The following NREP variants were observed in gnomAD, a reference collection of about 807,000 sequenced individuals.
NREP encodes neuronal regeneration related protein, also known as neuronal regeneration-related protein.
NREP carries 5 observed loss-of-function variants against 8.6 expected under a neutral mutation model. The ratio of observed to expected loss-of-function variants is 0.58; its 90% confidence interval spans 0.30 to 1.22. NREP has a LOEUF of 1.22. Among genes scored for constraint, NREP ranks in the 50% most tolerant of loss-of-function variants. NREP has a pLI of 0.07. For missense variants in NREP, 86 were observed against 82.5 expected, an observed-to-expected ratio of 1.04 and a Z score of -0.17; for synonymous variants, 27 against 28.0, an observed-to-expected ratio of 0.96 and a Z score of 0.11.
intron 2 of NREP, among the ~76,000 whole-genome samples, chr5:111,811,619 C>T (rs1353381160): frequency 1.3e-5 from 2 of 152,178 alleles, no homozygotes; most frequent in Non-Finnish European, 2.9e-5. Flanking sequence ...GGGAGTGCTG[C>T]CCACACAGGG....
chr5:111,863,979 T>C (rs1184023484), intron 2 of NREP, among the ~76,000 whole-genome samples: 1 of 152,170 alleles, frequency 6.6e-6, no homozygotes, highest in Non-Finnish European at 1.5e-5. Flanking sequence ...TCATTACTGC[T>C]ATATTCTATT....
chr5:111,813,877 A>G (rs1480881527), intron 2 of NREP, among the ~76,000 whole-genome samples: 1 of 152,084 alleles, frequency 6.6e-6, no homozygotes, highest in Non-Finnish European at 1.5e-5. Context: ...CTTTTGGTAT[A>G]TACTATATTC....
At chr5:111,863,650 T>C (rs1261572158) in intron 2 of NREP, among the ~76,000 whole-genome samples, 1 of 151,308 alleles carries the variant, frequency 6.6e-6, no homozygotes, top group Admixed American at 6.6e-5. Flanking sequence ...GCTATGAGAG[T>C]GTAGTATCAC....
intron 2 of NREP, among the ~76,000 whole-genome samples, chr5:111,966,081 A>G (rs566493524): frequency 6.6e-6 from 1 of 152,338 alleles, no homozygotes; most frequent in East Asian, 1.9e-4. Flanking sequence ...ATCTAGCAGA[A>G]CTTTGTGTCC....
chr5:111,784,642 TC>T (rs1260320472), intron 2 of NREP, among the ~76,000 whole-genome samples: 1 of 152,194 alleles, frequency 6.6e-6, no homozygotes, highest in Non-Finnish European at 1.5e-5. Flanking sequence ...AGTTTATTTT[TC>T]TTCGGGACTT....
At position 111,849,464 on chromosome 5, in the gene NREP, A is replaced by C. The variant is rs1165340760; in HGVS notation, c.136-113957T>G. Among the ~76,000 whole-genome samples the C allele has an allele frequency of 5.9e-5, 9 of 152,298 alleles. No individual in the cohort carries two copies. In the South Asian group the frequency reaches 1.9e-3, roughly 32 times the overall value. ...TTAAAGTTTGGAACTTTATCTTAAA[A>C]GCACTGAGGAGCCAATGAAAGCTTT... On this transcript the variant is annotated intron_variant, in intron 2 of 3. Transcript: ENST00000395634.
chr5:111,936,844 G>C (rs1390137162), intron 2 of NREP, among the ~76,000 whole-genome samples: 1 of 152,056 alleles, frequency 6.6e-6, no homozygotes, highest in African/African-American at 2.4e-5. Flanking sequence ...CTTTCTGAGT[G>C]GGCAGCTCTA....
At chr5:111,975,327 C>G in exon 2 of NREP, 2 of 1,551,680 alleles carry the variant, frequency 1.3e-6, no homozygotes, top group Non-Finnish European at 1.7e-6. Flanking sequence ...GAACAAGGGA[C>G]TCTGTCTGTC....
chr5:111,758,139 C>T (rs1750855659), upstream of NREP: 2 of 985,500 alleles, frequency 2.0e-6, no homozygotes, highest in Non-Finnish European at 1.2e-6. Context: ...TGGGTACGCG[C>T]GCCCCACTCC....
intron 2 of NREP, among the ~76,000 whole-genome samples, chr5:111,944,062 A>C (rs914791186): frequency 6.6e-6 from 1 of 152,048 alleles, no homozygotes; most frequent in Non-Finnish European, 1.5e-5. Flanking sequence ...TCCCACCTAG[A>C]ATTTGTTTTG....
intron 2 of NREP, among the ~76,000 whole-genome samples, chr5:111,868,298 C>A (rs1753713443): frequency 6.6e-6 from 1 of 152,038 alleles, no homozygotes; most frequent in African/African-American, 2.4e-5. Flanking sequence ...AGGAAACAAA[C>A]AAATTTAATG....
At chr5:111,879,598 T>G (rs928743874) in intron 2 of NREP, among the ~76,000 whole-genome samples, 3 of 152,210 alleles carry the variant, frequency 2.0e-5, no homozygotes, top group African/African-American at 4.8e-5. Context: ...CCTGATCCCA[T>G]GTAGTAGATG....
rs551610387 is a variant in NREP, at chr5:111,836,702, G to T, written c.136-101195C>A. On this transcript the variant is annotated intron_variant, in intron 2 of 3. Coordinates refer to the NREP transcript ENST00000395634. Reference sequence around the variant, plus strand: ...TTCTTATAGCCAGGGAGAGCTGGCAGTGGTTGTGACATGGAAATTCCTATA... The same window carrying T: ...TTCTTATAGCCAGGGAGAGCTGGCATTGGTTGTGACATGGAAATTCCTATA... Among the ~76,000 whole-genome samples the T allele has an allele frequency of 1.6e-3, 244 of 152,200 alleles. 1 individual carries two copies. Among genetic ancestry groups the T allele is most frequent in the African/African-American group, 5.6e-3 (234 of 41,558 alleles).
chr5:111,929,918 G>A lies in NREP; in HGVS notation c.135+45356C>T, dbSNP rs77373247. Among the ~76,000 whole-genome samples, 231 of 152,296 alleles carry A rather than the reference G, an allele frequency of 1.5e-3. 6 individuals are homozygous for A. The East Asian group carries it at 0.043, about 28-fold the overall frequency. On this transcript the variant is annotated intron_variant, in intron 2 of 3. Transcript: ENST00000395634. ...GCAAGTTTAGTCCTCCTCTCAAGGAGCAGATTATTCCTTCATTTCCTTTCC... is the reference window on the plus strand; with the variant it reads ...GCAAGTTTAGTCCTCCTCTCAAGGAACAGATTATTCCTTCATTTCCTTTCC...
chr5:111,739,978 C>T (rs1048469124), intron 2 of NREP, among the ~76,000 whole-genome samples: 1 of 150,822 alleles, frequency 6.6e-6, no homozygotes, highest in Non-Finnish European at 1.5e-5. Flanking sequence ...AAAAGCAAAT[C>T]GTACCTTCAA....
intron 2 of NREP, among the ~76,000 whole-genome samples, chr5:111,803,079 G>T (rs1186350776): frequency 6.6e-6 from 1 of 152,148 alleles, no homozygotes; most frequent in Non-Finnish European, 1.5e-5. Flanking sequence ...TTTTAGATAA[G>T]GTGATTTTAA....
intron 2 of NREP, among the ~76,000 whole-genome samples, chr5:111,909,843 C>T (rs992759974): frequency 6.6e-6 from 1 of 152,064 alleles, no homozygotes; most frequent in Non-Finnish European, 1.5e-5. Flanking sequence ...TTGTGATGAA[C>T]ATGTTATGCA....
chr5:111,940,798 T>A (rs184511219), intron 2 of NREP, among the ~76,000 whole-genome samples: 1 of 151,954 alleles, frequency 6.6e-6, no homozygotes, highest in Non-Finnish European at 1.5e-5. Flanking sequence ...GAGACCACAC[T>A]CATGCCCCAA....
intron 2 of NREP, among the ~76,000 whole-genome samples, chr5:111,745,941 T>C (rs147894578): frequency 6.6e-6 from 1 of 152,264 alleles, no homozygotes; most frequent in East Asian, 1.9e-4. Flanking sequence ...GGCAACAAAC[T>C]AATTATTAAC....
Sources: allele counts gnomAD v4.1 joint callset (sites outside exome capture counted in the v4.1 genomes callset), GRCh38; gene constraint gnomAD v4.1.1; transcripts MANE v1.5; gene names NCBI Gene and HGNC (gene_info 2026-07-23, HGNC 2026-07-21).